MAGI2: variants seen among roughly 807,000 people sequenced by gnomAD.
MAGI2 encodes membrane-associated guanylate kinase, WW and PDZ domain-containing protein 2.
A neutral mutation model predicts 133.3 loss-of-function variants in MAGI2; 35 were observed. That is an observed-to-expected ratio of 0.26 (90% CI 0.20 to 0.35). The LOEUF (loss-of-function observed/expected upper bound fraction) is 0.35, where lower values mean the gene tolerates loss of function less well. Ranked by LOEUF, MAGI2 falls within the 10% of genes least tolerant of loss-of-function variation. The pLI, the probability that MAGI2 is intolerant of heterozygous loss-of-function variation, is 1.00. For missense variants in MAGI2, 1,636 were observed against 1,863.4 expected, an observed-to-expected ratio of 0.88 and a Z score of 2.25; for synonymous variants, 729 against 710.6, an observed-to-expected ratio of 1.03 and a Z score of -0.41.
At chr7:78,607,506 A>G (rs1055055920) in intron 3 of MAGI2, among the ~76,000 whole-genome samples, 25 of 152,106 alleles carry the variant, frequency 1.6e-4, no homozygotes, top group Non-Finnish European at 3.1e-4. Context: ...CTTAAAAAAA[A>G]AAAAAAAAGA....
chr7:78,898,474 T>TA (rs968849658), intron 2 of MAGI2, among the ~76,000 whole-genome samples: 1 of 152,136 alleles, frequency 6.6e-6, no homozygotes, highest in Non-Finnish European at 1.5e-5. Context: ...TATGCAGCCA[T>TA]AAAAAATGAT....
chr7:79,384,571 A>G lies in MAGI2; in HGVS notation c.301+68449T>C, dbSNP rs1040695440. 4.0e-5 allele frequency among the ~76,000 whole-genome samples: 6 copies of G among 151,756 alleles called. No individual in the cohort carries two copies. The East Asian group carries it at 1.2e-3, about 29-fold the overall frequency. ...GAGAATTCAGTAAAATTTCCAGGGT[A>G]TTAAGAATAGATAACATACTATGGT... On this transcript the variant is annotated intron_variant, in intron 1 of 21. Coordinates refer to ENST00000354212, the MANE Select transcript of MAGI2 (RefSeq NM_012301.4).
chr7:78,423,696 G>C (rs1172207951), intron 6 of MAGI2, among the ~76,000 whole-genome samples: 6 of 152,134 alleles, frequency 3.9e-5, no homozygotes, highest in Non-Finnish European at 8.8e-5. Context: ...TAGAGATGAG[G>C]AACTTGTTGG....
intron 16 of MAGI2, among the ~76,000 whole-genome samples, chr7:78,150,330 C>G (rs1275894623): frequency 1.3e-5 from 2 of 152,246 alleles, no homozygotes; most frequent in East Asian, 3.9e-4. Context: ...ACATGTGGAA[C>G]AAGCTTCATT....
At chr7:78,934,700 T>C (rs1800389987) in intron 2 of MAGI2, among the ~76,000 whole-genome samples, 1 of 152,118 alleles carries the variant, frequency 6.6e-6, no homozygotes. Flanking sequence ...TTTGAGTCCT[T>C]TCCCCAAGAT....
chr7:78,890,081 T>A (rs1161055726), intron 2 of MAGI2, among the ~76,000 whole-genome samples: 1 of 152,112 alleles, frequency 6.6e-6, no homozygotes, highest in African/African-American at 2.4e-5. Context: ...GCAATCCTAA[T>A]CTCTGATAAA....
At chr7:78,491,242 A>T (rs894829773) in intron 5 of MAGI2, among the ~76,000 whole-genome samples, 7 of 152,118 alleles carry the variant, frequency 4.6e-5, no homozygotes, top group African/African-American at 1.7e-4. Context: ...GCCAGGAAAG[A>T]GGGAGGATGG....
At chr7:78,110,608 G>A (rs1819261331) in intron 20 of MAGI2, among the ~76,000 whole-genome samples, 1 of 152,184 alleles carries the variant, frequency 6.6e-6, no homozygotes, top group Admixed American at 6.5e-5. Context: ...ATCCCCATAT[G>A]GAGAAGTACT....
chr7:79,299,694 G>C (rs1269565790), intron 1 of MAGI2, among the ~76,000 whole-genome samples: 1 of 151,812 alleles, frequency 6.6e-6, no homozygotes, highest in Non-Finnish European at 1.5e-5. Flanking sequence ...AACGATAATT[G>C]ATCAGTGATA....
intron 2 of MAGI2, chr7:78,904,064 G>C (rs1797822257): frequency 6.6e-6 from 1 of 152,192 alleles, no homozygotes; most frequent in Admixed American, 6.5e-5. Flanking sequence ...ATTCAAAGAA[G>C]TACAGGCAGA....
At chr7:79,310,653 T>C (rs1838210491) in intron 1 of MAGI2, among the ~76,000 whole-genome samples, 1 of 152,120 alleles carries the variant, frequency 6.6e-6, no homozygotes, top group Non-Finnish European at 1.5e-5. Context: ...TGTTTCCTAT[T>C]TCACTGGAAT....
chr7:78,507,557 G>A lies in MAGI2; in HGVS notation c.755-5770C>T, dbSNP rs1358585754. 5.9e-5 allele frequency among the ~76,000 whole-genome samples: 9 copies of A among 152,142 alleles called. No homozygotes were observed. In the East Asian group the frequency reaches 1.7e-3, roughly 29 times the overall value. On this transcript the variant is annotated intron_variant, in intron 4 of 21. Transcript: ENST00000354212. ...TTCAGTACTCTCCTAGACATTCAAG[G>A]CAACATGGAGGGTGGAGAAGACATG...
At chr7:78,345,293 T>C (rs1024488264) in intron 8 of MAGI2, among the ~76,000 whole-genome samples, 1 of 152,216 alleles carries the variant, frequency 6.6e-6, no homozygotes, top group Non-Finnish European at 1.5e-5. Flanking sequence ...GCGTGAAAAC[T>C]ACCAGCAGGC....
intron 1 of MAGI2, among the ~76,000 whole-genome samples, chr7:79,106,996 G>C (rs919652712): frequency 8.5e-5 from 13 of 152,172 alleles, no homozygotes; most frequent in African/African-American, 3.1e-4. Context: ...TACTCTGGTA[G>C]ACCAAATAAT....
intron 1 of MAGI2, among the ~76,000 whole-genome samples, chr7:79,187,001 A>T (rs1029253437): frequency 1.3e-5 from 2 of 151,244 alleles, no homozygotes; most frequent in Admixed American, 6.6e-5. Flanking sequence ...ACAAATGCTA[A>T]TATTTGGAAG....
intron 1 of MAGI2, among the ~76,000 whole-genome samples, chr7:79,043,065 T>C (rs1490456342): frequency 6.6e-6 from 1 of 152,116 alleles, no homozygotes; most frequent in East Asian, 1.9e-4. Context: ...GAAGAATCTC[T>C]GGGACACAGC....
intron 2 of MAGI2, among the ~76,000 whole-genome samples, chr7:78,821,339 A>G (rs1218624923): frequency 6.6e-6 from 1 of 152,030 alleles, no homozygotes; most frequent in South Asian, 2.1e-4. Flanking sequence ...GGGGTTGTCT[A>G]TTTCTCTCTC....
intron 10 of MAGI2, among the ~76,000 whole-genome samples, chr7:78,231,717 T>C (rs1206585497): frequency 1.3e-5 from 2 of 152,162 alleles, no homozygotes; most frequent in Non-Finnish European, 2.9e-5. Context: ...AAGCTCTCTT[T>C]TCCCTCACTT....
intron 1 of MAGI2, among the ~76,000 whole-genome samples, chr7:79,052,316 G>A (rs757342300): frequency 1.2e-4 from 18 of 152,128 alleles, no homozygotes; most frequent in Middle Eastern, 6.3e-3. Context: ...TAACTTGTGG[G>A]ACCTGTGCAA....
Sources: gnomAD v4.1 joint callset for allele counts (sites outside exome capture counted in the v4.1 genomes callset) on GRCh38, gnomAD v4.1.1 for gene constraint, MANE v1.5 for transcripts, NCBI Gene and HGNC (gene_info 2026-07-23, HGNC 2026-07-21) for gene names.